The following LPP variants were observed in gnomAD, a reference collection of about 807,000 sequenced individuals.
LPP encodes lipoma-preferred partner.
Under a neutral mutation model 60.4 loss-of-function variants are expected in LPP, and 38 were observed. The ratio of observed to expected loss-of-function variants is 0.63; its 90% CI spans 0.49 to 0.83. The LOEUF (loss-of-function observed/expected upper bound fraction) is 0.83. Among genes scored for constraint, LPP ranks in the 40% least tolerant of loss-of-function variants. LPP has a pLI of 0.00. For synonymous variants in LPP, 328 were observed against 290.8 expected, an observed-to-expected ratio of 1.13 and a Z score of -1.30; for missense variants, 902 against 783.6, an observed-to-expected ratio of 1.15 and a Z score of -1.80.
intron 9 of LPP, among the ~76,000 whole-genome samples, chr3:188,800,478 C>T (rs1553852094): frequency 6.6e-6 from 1 of 151,992 alleles, no homozygotes; most frequent in Non-Finnish European, 1.5e-5. Flanking sequence ...ATCTCCTGAC[C>T]TCGTGATCCG....
At chr3:188,285,678 AG>A (rs1743681337) in intron 2 of LPP, among the ~76,000 whole-genome samples, 1 of 152,196 alleles carries the variant, frequency 6.6e-6, no homozygotes, top group South Asian at 2.1e-4. Context: ...CTGGGATTAC[AG>A]GCATGAGCCA....
intron 7 of LPP, among the ~76,000 whole-genome samples, chr3:188,681,722 C>A (rs1455825318): frequency 2.0e-5 from 3 of 152,028 alleles, no homozygotes; most frequent in African/African-American, 4.8e-5. Flanking sequence ...TGTCTGGGAC[C>A]CTTGTGTAAT....
chr3:188,464,186 A>G (rs377579566), intron 4 of LPP, among the ~76,000 whole-genome samples: 15 of 152,320 alleles, frequency 9.8e-5, no homozygotes, highest in East Asian at 7.7e-4. Context: ...AAGAAAACAC[A>G]TAAGTTAGAT....
At chr3:188,323,936 C>G (rs184140141) in intron 2 of LPP, among the ~76,000 whole-genome samples, 3 of 152,306 alleles carry the variant, frequency 2.0e-5, no homozygotes, top group African/African-American at 7.2e-5. Context: ...ATTAGTTTGT[C>G]ATTTTCTTAC....
At chr3:188,650,767 A>G (rs1383836205) in intron 7 of LPP, among the ~76,000 whole-genome samples, 2 of 152,234 alleles carry the variant, frequency 1.3e-5, no homozygotes, top group Non-Finnish European at 2.9e-5. Context: ...ATGTCCAGAA[A>G]AAAAGTCCAG....
chr3:188,325,466 A>G (rs1223055245), intron 2 of LPP, among the ~76,000 whole-genome samples: 1 of 152,098 alleles, frequency 6.6e-6, no homozygotes, highest in Admixed American at 6.5e-5. Context: ...GCTCTTCCCC[A>G]TTCTTTAGCT....
At chr3:188,389,344 C>T (rs951598765) in intron 3 of LPP, among the ~76,000 whole-genome samples, 1 of 152,170 alleles carries the variant, frequency 6.6e-6, no homozygotes, top group African/African-American at 2.4e-5. Context: ...TGCCTTTGTG[C>T]CCAAGGGCCT....
At chr3:188,162,803 G>A (rs183074057) in intron 1 of LPP, among the ~76,000 whole-genome samples, 458 of 152,192 alleles carry the variant, frequency 3.0e-3, no homozygotes, top group Non-Finnish European at 5.6e-3. Context: ...GGGGCATCTG[G>A]CACACAGTGA....
At position 188,646,540 on chromosome 3, in the gene LPP, G is replaced by A. The variant is rs79720632; in HGVS notation, c.1113+36696G>A. Among the ~76,000 whole-genome samples the A allele has an allele frequency of 9.2e-3, 1,397 of 152,264 alleles. 4 individuals are homozygous for A. Among genetic ancestry groups the A allele is most frequent in the African/African-American group, 0.015 (616 of 41,552 alleles). ...TTTACTAATGATGCAACTGAGGCCC[G>A]TAGGAGTCAGGTTGCCTATAAAGGC... On this transcript the variant is annotated intron_variant, in intron 7 of 11. Coordinates refer to ENST00000617246, the MANE Select transcript of LPP (RefSeq NM_001375462.1).
At chr3:188,837,382 CATAATAATAATAATAATA>C (rs57174980) in intron 9 of LPP, among the ~76,000 whole-genome samples, 35 of 140,386 alleles carry the variant, frequency 2.5e-4, no homozygotes, top group South Asian at 2.1e-3. Context: ...CCATCTCAAA[CATAATAATAATAATAATA>C]ATAATAATAA....
At chr3:188,633,728 G>A (rs1447355180) in intron 7 of LPP, among the ~76,000 whole-genome samples, 1 of 152,194 alleles carries the variant, frequency 6.6e-6, no homozygotes, top group Non-Finnish European at 1.5e-5. Context: ...TGGCAGGGAT[G>A]TAATTGAAAG....
chr3:188,545,828 G>C (rs116343285), intron 6 of LPP, among the ~76,000 whole-genome samples: 2 of 152,096 alleles, frequency 1.3e-5, no homozygotes, highest in Non-Finnish European at 1.5e-5. Context: ...ATACACTGTT[G>C]ATTGAGGTCC....
intron 8 of LPP, among the ~76,000 whole-genome samples, chr3:188,741,200 T>G (rs945081771): frequency 5.4e-4 from 82 of 151,808 alleles, no homozygotes; most frequent in Non-Finnish European, 8.4e-4. Context: ...AGACCCTTCC[T>G]TGATACACTT....
At chr3:188,376,336 G>A (rs1397189747) in intron 3 of LPP, among the ~76,000 whole-genome samples, 1 of 151,960 alleles carries the variant, frequency 6.6e-6, no homozygotes. Context: ...TTGTGTGGGA[G>A]TCTAAGTCTC....
At chr3:188,286,776 T>C (rs1201948239) in intron 2 of LPP, among the ~76,000 whole-genome samples, 4 of 152,196 alleles carry the variant, frequency 2.6e-5, no homozygotes, top group African/African-American at 9.6e-5. Flanking sequence ...ATTTCAAGCA[T>C]ATATGGAGGA....
intron 4 of LPP, among the ~76,000 whole-genome samples, chr3:188,451,619 T>C (rs1796608509): frequency 6.6e-6 from 1 of 152,144 alleles, no homozygotes; most frequent in Admixed American, 6.5e-5. Context: ...CAAGCAAACA[T>C]TTAATTACAA....
chr3:188,860,588 A>T (rs1764954753), intron 9 of LPP, among the ~76,000 whole-genome samples: 1 of 152,130 alleles, frequency 6.6e-6, no homozygotes, highest in African/African-American at 2.4e-5. Flanking sequence ...ACTGTGTGTT[A>T]ACCTGCCAGT....
At chr3:188,555,054 G>T (rs943666222) in intron 6 of LPP, among the ~76,000 whole-genome samples, 7 of 152,084 alleles carry the variant, frequency 4.6e-5, no homozygotes, top group African/African-American at 1.7e-4. Context: ...AAGAGGAAGA[G>T]ATATTTGAGG....
At chr3:188,772,517 CAG>C (rs558913372) in intron 9 of LPP, among the ~76,000 whole-genome samples, 79 of 151,400 alleles carry the variant, frequency 5.2e-4, no homozygotes, top group African/African-American at 1.8e-3. Context: ...TTTTTTGAGA[CAG>C]AGTCTCACTC....
Sources: allele counts gnomAD v4.1 joint callset (sites outside exome capture counted in the v4.1 genomes callset), GRCh38; gene constraint gnomAD v4.1.1; transcripts MANE v1.5; gene names NCBI Gene and HGNC (gene_info 2026-07-23, HGNC 2026-07-21).